Variants in NREP observed in about 807,000 individuals in gnomAD.
NREP encodes neuronal regeneration related protein, also known as neuronal regeneration-related protein.
In NREP, 5 loss-of-function variants were observed where a neutral mutation model predicts 8.6. That is an observed-to-expected ratio of 0.58 (90% CI 0.30 to 1.22). NREP has a LOEUF of 1.22. Ranked by LOEUF, NREP falls within the 50% of genes most tolerant of loss-of-function variation. The pLI, the probability that NREP is intolerant of heterozygous loss-of-function variation, is 0.07. For synonymous variants in NREP, 27 were observed against 28.0 expected, an observed-to-expected ratio of 0.96 and a Z score of 0.11; for missense variants, 86 against 82.5, an observed-to-expected ratio of 1.04 and a Z score of -0.17.
At chr5:111,914,788 A>C (rs1755008135) in intron 2 of NREP, among the ~76,000 whole-genome samples, 1 of 152,130 alleles carries the variant, frequency 6.6e-6, no homozygotes. Flanking sequence ...CTCTCCACTT[A>C]AAGAATACAC....
rs145481693 is a variant in NREP at position 111,972,867 on chromosome 5, G to A, written c.135+2407C>T. 2.8e-3 allele frequency among the ~76,000 whole-genome samples: 431 copies of A among 152,254 alleles called. 4 individuals carry two copies. The highest frequency in any genetic ancestry group is 0.01 in the Middle Eastern group (3 of 294). ...GTGCCTGCCAGCTTGAACCCATGTG[G>A]GCTGCACCTTCAGGGGCTCCTCTGC... On this transcript the variant is annotated intron_variant, in intron 2 of 3. Transcript: ENST00000395634.
intron 2 of NREP, among the ~76,000 whole-genome samples, chr5:111,847,700 T>A (rs1239882490): frequency 6.6e-6 from 1 of 151,996 alleles, no homozygotes; most frequent in African/African-American, 2.4e-5. Flanking sequence ...AATTTCTAAA[T>A]TTGATGGCTT....
At chr5:111,862,619 C>T (rs1261942304) in intron 2 of NREP, among the ~76,000 whole-genome samples, 1 of 151,970 alleles carries the variant, frequency 6.6e-6, no homozygotes, top group Non-Finnish European at 1.5e-5. Context: ...AAATCATAGT[C>T]CAGAAGAAGA....
rs983939623 is a variant in NREP at position 111,730,022 on chromosome 5, G to A, written c.*899C>T. On this transcript the variant is annotated 3_prime_UTR_variant, in exon 4 of 4. Transcript: ENST00000257435. ...CCCAAAGAGACACCTCAAAATGCCT[G>A]TAAAATTATTGCTTTTCTTTCTCTA... The A allele has an allele frequency of 2.6e-5, 4 of 151,446 alleles. No homozygotes were observed. Among genetic ancestry groups the A allele is most frequent in the African/African-American group, 7.4e-5 (3 of 40,458 alleles). 9.4% of individuals were successfully genotyped at this position (151,446 alleles called of 1,614,324 possible).
At chr5:111,976,115 T>G (rs1328624050) in intron 1 of NREP, among the ~76,000 whole-genome samples, 1 of 152,152 alleles carries the variant, frequency 6.6e-6, no homozygotes, top group Non-Finnish European at 1.5e-5. Flanking sequence ...GATCTAACAT[T>G]TTATCAGTTT....
intron 2 of NREP, among the ~76,000 whole-genome samples, chr5:111,743,854 CTA>C (rs760881321): frequency 5.3e-5 from 8 of 152,220 alleles, no homozygotes; most frequent in East Asian, 3.9e-4. Context: ...ACCAAGAATG[CTA>C]TGTTTTCTTT....
chr5:111,791,872 C>A (rs1054426512), intron 2 of NREP, among the ~76,000 whole-genome samples: 10 of 152,180 alleles, frequency 6.6e-5, no homozygotes, highest in African/African-American at 2.4e-4. Flanking sequence ...ATGTTTCGAA[C>A]TGCCTCTTTT....
chr5:111,803,181 A>G (rs1441535000), intron 2 of NREP, among the ~76,000 whole-genome samples: 1 of 152,222 alleles, frequency 6.6e-6, no homozygotes, highest in Admixed American at 6.5e-5. Context: ...TCACTCAGGT[A>G]AAGTCTGCTA....
chr5:111,801,711 C>T (rs768323872), intron 2 of NREP, among the ~76,000 whole-genome samples: 4 of 152,132 alleles, frequency 2.6e-5, no homozygotes, highest in Non-Finnish European at 4.4e-5. Flanking sequence ...GTTAAATATG[C>T]TTATATGTAC....
At chr5:111,798,735 GT>G (rs1751930177) in intron 2 of NREP, among the ~76,000 whole-genome samples, 3 of 5,242 alleles carry the variant, frequency 5.7e-4, no homozygotes, top group Admixed American at 4.7e-3. Flanking sequence ...GTATTCCATG[GT>G]GTGTGTGTGT....
rs1309152271 is a variant in NREP, at chr5:111,885,474, A to G, written c.135+89800T>C. Among the ~76,000 whole-genome samples the G allele has an allele frequency of 3.3e-3, 506 of 152,304 alleles. 3 individuals are homozygous for G. The highest frequency in any genetic ancestry group is 4.9e-3 in the Non-Finnish European group (336 of 68,020). On this transcript the variant is annotated intron_variant, in intron 2 of 3. Transcript: ENST00000395634. ...TTTCTTCACAGAATTGGAAAAAACTACTTTAAAGTTCATATGGAACCAAAA... is the reference window on the plus strand; with the variant it reads ...TTTCTTCACAGAATTGGAAAAAACTGCTTTAAAGTTCATATGGAACCAAAA...
At chr5:111,948,453 T>C (rs1756051787) in intron 2 of NREP, among the ~76,000 whole-genome samples, 1 of 152,132 alleles carries the variant, frequency 6.6e-6, no homozygotes, top group South Asian at 2.1e-4. Context: ...AGAAACACTT[T>C]GGCAGTATTT....
At chr5:111,798,514 AC>A (rs1751924357) in intron 2 of NREP, among the ~76,000 whole-genome samples, 1 of 151,682 alleles carries the variant, frequency 6.6e-6, no homozygotes, top group Non-Finnish European at 1.5e-5. Context: ...ATTCCTTGCC[AC>A]CCCCAACTCT....
intron 2 of NREP, among the ~76,000 whole-genome samples, chr5:111,900,197 A>G (rs1754608816): frequency 6.6e-6 from 1 of 152,092 alleles, no homozygotes; most frequent in Admixed American, 6.6e-5. Context: ...TGGGTCAAGG[A>G]AGAAATTAAA....
rs552260411 is a variant in NREP at position 111,730,566 on chromosome 5, G to A, written c.*355C>T. ...GGGGGGGGACTCTCAGCCTCTGCAA[G>A]AAGCAGTCGGGAGCTGTGTGAGTGA... On this transcript the variant is annotated 3_prime_UTR_variant, in exon 4 of 4. Coordinates refer to ENST00000257435, the MANE Select transcript of NREP (RefSeq NM_004772.4). 1.5e-4 allele frequency: 27 copies of A among 177,022 alleles called. No individual in the cohort carries two copies. The highest frequency in any genetic ancestry group is 5.9e-4 in the African/African-American group (25 of 42,028). 11.0% of individuals were successfully genotyped at this position (177,022 alleles called of 1,614,324 possible).
In NREP at chr5:111,855,033, C is replaced by T. The variant is rs559333400; in HGVS notation, c.136-119526G>A. 1.4e-3 allele frequency among the ~76,000 whole-genome samples: 218 copies of T among 152,060 alleles called. 1 individual carries two copies. Among genetic ancestry groups the T allele is most frequent in the Admixed American group, 2.8e-3 (43 of 15,288 alleles). ...CTGATTTTTTTTTATTAATATGATA[C>T]AATCAATGCCTCATGGTGAATGAGT... On this transcript the variant is annotated intron_variant, in intron 2 of 3. Coordinates refer to the NREP transcript ENST00000395634.
chr5:111,938,251 A>G (rs903192190), intron 2 of NREP, among the ~76,000 whole-genome samples: 12 of 152,038 alleles, frequency 7.9e-5, no homozygotes, highest in Non-Finnish European at 1.3e-4. Flanking sequence ...CTGTTATACA[A>G]AGGCTGATTC....
chr5:111,944,600 A>G (rs1755925900), intron 2 of NREP, among the ~76,000 whole-genome samples: 2 of 152,204 alleles, frequency 1.3e-5, no homozygotes, highest in East Asian at 3.9e-4. Context: ...GGCCATGACA[A>G]CCAGCCTTCT....
At chr5:111,955,389 A>AGGCC (rs1273769881) in intron 2 of NREP, among the ~76,000 whole-genome samples, 1 of 151,976 alleles carries the variant, frequency 6.6e-6, no homozygotes, top group Non-Finnish European at 1.5e-5. Flanking sequence ...ACATAAATGC[A>AGGCC]GGCCATCCAG....
Sources: allele counts gnomAD v4.1 joint callset (sites outside exome capture counted in the v4.1 genomes callset), GRCh38; gene constraint gnomAD v4.1.1; transcripts MANE v1.5; gene names NCBI Gene and HGNC (gene_info 2026-07-23, HGNC 2026-07-21).